Variants in IL12RB2 observed in about 807,000 individuals in gnomAD.
IL12RB2 encodes the protein interleukin 12 receptor subunit beta 2.
In IL12RB2, 82 loss-of-function variants were observed where a neutral mutation model predicts 89.4. The ratio of observed to expected loss-of-function variants is 0.92; its 90% CI spans 0.77 to 1.10. The LOEUF (loss-of-function observed/expected upper bound fraction) is 1.10. IL12RB2 is among the 50% of genes least tolerant of loss of function. IL12RB2 has a pLI of 0.00. For synonymous variants in IL12RB2, 368 were observed against 370.1 expected, an observed-to-expected ratio of 0.99 and a Z score of 0.07; for missense variants, 963 against 1,031.9, an observed-to-expected ratio of 0.93 and a Z score of 0.92.
At chr1:67,361,852 A>T (rs1466443851) in intron 10 of IL12RB2, among the ~76,000 whole-genome samples, 1 of 152,210 alleles carries the variant, frequency 6.6e-6, no homozygotes, top group Non-Finnish European at 1.5e-5. Flanking sequence ...CACAAAAAAA[A>T]CTGTACCTAC....
intron 10 of IL12RB2, among the ~76,000 whole-genome samples, chr1:67,357,723 A>C (rs947111114): frequency 1.2e-4 from 18 of 152,250 alleles, no homozygotes; most frequent in Non-Finnish European, 2.1e-4. Context: ...GAATGCAAGG[A>C]AAGTTTAGTT....
In IL12RB2 at chr1:67,326,783, A is replaced by G; in HGVS notation, c.413A>G (p.Gln138Arg). The G allele has an allele frequency of 1.9e-6, 3 of 1,613,964 alleles. No individual in the cohort carries two copies. The highest frequency in any genetic ancestry group is 2.2e-5 in the East Asian group (1 of 44,876). ...QNLSCIQKGE[Q>R]GTVACTWERG... The stretch of plus-strand genomic sequence containing the variant: ...TTATCCTGCATACAGAAGGGAGAAC[A>G]GGGGACTGTGGCCTGCACCTGGGAA... Residue 138 changes from glutamine (Q) to arginine (R), a missense_variant, in exon 5 of 17, where the codon CAG (glutamine) becomes CGG (arginine). Gln to Arg is a conservative substitution (Grantham distance 43). Coordinates refer to ENST00000674203, the MANE Select transcript of IL12RB2 (RefSeq NM_001374259.2).
intron 8 of IL12RB2, among the ~76,000 whole-genome samples, chr1:67,333,320 C>T (rs984096015): frequency 3.3e-5 from 5 of 151,390 alleles, no homozygotes; most frequent in Admixed American, 1.3e-4. Context: ...TTTTTTAACA[C>T]GTCTTCCTTT....
In IL12RB2 at chr1:67,397,071, G is replaced by A. The variant is rs1394632627; in HGVS notation, c.*982G>A. On this transcript the variant is annotated 3_prime_UTR_variant, in exon 17 of 17. Coordinates refer to ENST00000674203, the MANE Select transcript of IL12RB2 (RefSeq NM_001374259.2). ...GAGAATGACATGAACCTGGGAGGTG[G>A]GGCTTGCAGTGAGCCACTGCACTCC... Among the ~76,000 whole-genome samples, 2 of 151,802 alleles carry A rather than the reference G, an allele frequency of 1.3e-5. No homozygotes were observed. Among genetic ancestry groups the A allele is most frequent in the African/African-American group, 4.8e-5 (2 of 41,320 alleles).
In IL12RB2 at chr1:67,318,277, G is replaced by A. The variant is rs543359994; in HGVS notation, c.-36-2056G>A. Among the ~76,000 whole-genome samples, 4 of 152,308 alleles carry A rather than the reference G, an allele frequency of 2.6e-5. No individual in the cohort carries two copies. The South Asian group carries it at 8.3e-4, about 32-fold the overall frequency. On this transcript the variant is annotated intron_variant, in intron 2 of 16. Transcript: ENST00000674203. ...TGCAGTGGCTGAGAGATTGTGTGTGGTATGGGCTGTGGATATTTTTCTAAC... is the reference window on the plus strand; with the variant it reads ...TGCAGTGGCTGAGAGATTGTGTGTGATATGGGCTGTGGATATTTTTCTAAC...
At chr1:67,350,643 T>A (rs1291845573) in intron 9 of IL12RB2, among the ~76,000 whole-genome samples, 1 of 152,230 alleles carries the variant, frequency 6.6e-6, no homozygotes, top group African/African-American at 2.4e-5. Context: ...ATCAATGCGT[T>A]CTTAAGAATT....
intron 2 of IL12RB2, among the ~76,000 whole-genome samples, chr1:67,315,823 G>C (rs1655684577): frequency 6.6e-6 from 1 of 152,146 alleles, no homozygotes; most frequent in African/African-American, 2.4e-5. Context: ...TCTAGTACAG[G>C]GAGTGTCTTT....
At chr1:67,392,773 G>C (rs541117810) in intron 16 of IL12RB2, among the ~76,000 whole-genome samples, 2 of 152,056 alleles carry the variant, frequency 1.3e-5, no homozygotes, top group East Asian at 1.9e-4. Context: ...TGGGACTGCA[G>C]GGGCACGCTG....
chr1:67,329,741 T>C lies in IL12RB2; in HGVS notation c.807+12T>C. 2 of 1,588,930 alleles carry C rather than the reference T, an allele frequency of 1.3e-6. No individual in the cohort carries two copies. The highest frequency in any genetic ancestry group is 1.1e-5 in the South Asian group (1 of 90,548). ...GGCTCTGGAATATGGTAATTATCTT[T>C]AGAGTGAAGGAAAAAACACTGAAGC... is the stretch of plus-strand genomic sequence containing the variant. On this transcript the variant is annotated intron_variant, in intron 7 of 16. Transcript: ENST00000674203.
rs1357645214 is a variant in IL12RB2 at position 67,380,067 on chromosome 1, C to T, written c.1799C>T (p.Ala600Val). 1.2e-6 allele frequency: 2 copies of T among 1,614,058 alleles called. No homozygotes were observed. Among genetic ancestry groups the T allele is most frequent in the Admixed American group, 3.3e-5 (2 of 60,032 alleles). Reference sequence around the variant, plus strand: ...GTGACATATGTCCTGTGGATGACAGCTCTGACAGCTGCTGGTGAAAGTTCC... The same window carrying T: ...GTGACATATGTCCTGTGGATGACAGTTCTGACAGCTGCTGGTGAAAGTTCC... ...PRVTYVLWMT[A>V]LTAAGESSHG... The change falls in exon 14 of 17, where the codon GCT becomes GTT. Residue 600 changes from alanine (A) to valine (V), a missense_variant. By Grantham distance (64) the Ala-to-Val change is moderately conservative. Coordinates refer to ENST00000674203, the MANE Select transcript of IL12RB2 (RefSeq NM_001374259.2).
intron 16 of IL12RB2, among the ~76,000 whole-genome samples, chr1:67,390,523 G>A (rs1252112798): frequency 2.2e-5 from 3 of 137,430 alleles, no homozygotes; most frequent in Non-Finnish European, 3.0e-5. Flanking sequence ...CAAAATTCAA[G>A]AGAATTGAAG....
intron 10 of IL12RB2, among the ~76,000 whole-genome samples, chr1:67,356,800 A>G (rs935690329): frequency 6.6e-6 from 1 of 152,244 alleles, no homozygotes; most frequent in Non-Finnish European, 1.5e-5. Flanking sequence ...CATGATCCCA[A>G]AAGAAAACAT....
chr1:67,328,408 T>C (rs1288201414), intron 6 of IL12RB2, 24 bp downstream of exon 6: 1 of 1,613,836 alleles, frequency 6.2e-7, no homozygotes, highest in Non-Finnish European at 8.5e-7. Flanking sequence ...CACTGTTTCA[T>C]TGGTACTTTA....
chr1:67,395,520 G>A lies in IL12RB2; in HGVS notation c.2047-27G>A, dbSNP rs200158524. ...GTGAAGGTCACTTCTACAGCAGTGT[G>A]AGCCTCTTCCTCCTCCTTTCTCTCA... On this transcript the variant is annotated intron_variant, in intron 16 of 16. Coordinates refer to ENST00000674203, the MANE Select transcript of IL12RB2 (RefSeq NM_001374259.2). The A allele has an allele frequency of 8.1e-6, 13 of 1,614,186 alleles. No homozygotes were observed. The East Asian group carries it at 2.5e-4, about 30-fold the overall frequency.
At position 67,338,653 on chromosome 1, in the gene IL12RB2, A is replaced by G; in HGVS notation, c.988A>G (p.Met330Val). The change falls in exon 9 of 17, where the codon ATG becomes GTG. Residue 330 changes from methionine (M) to valine (V), a missense_variant. Transcript: ENST00000674203. ...EPTGMLDVWY[M>V]KRHIDYSRQQ... ...TACTGGGATGTTAGATGTCTGGTAC[A>G]TGAAACGGCACATTGACTACAGTAG... 6.4e-7 allele frequency: 1 copy of G among 1,554,954 alleles called. No individual in the cohort carries two copies. The highest frequency in any genetic ancestry group is 8.9e-7 in the Non-Finnish European group (1 of 1,125,942).
intron 10 of IL12RB2, among the ~76,000 whole-genome samples, chr1:67,366,825 T>C (rs888513874): frequency 7.9e-5 from 12 of 152,224 alleles, no homozygotes; most frequent in Admixed American, 6.5e-4. Context: ...ACTCAAACAT[T>C]GGACAAGTAA....
chr1:67,395,439 G>C, intron 16 of IL12RB2, 108 bp from the exon 17 acceptor site: 1 of 1,603,940 alleles, frequency 6.2e-7, no homozygotes. Context: ...GTTCCAGCCA[G>C]GGCTGAGGAG....
At chr1:67,336,606 G>A (rs1435845401) in intron 8 of IL12RB2, among the ~76,000 whole-genome samples, 8 of 151,860 alleles carry the variant, frequency 5.3e-5, no homozygotes, top group Admixed American at 4.6e-4. Flanking sequence ...TGAATGTTTA[G>A]AAAAAAACAA....
chr1:67,329,554 G>T, intron 6 of IL12RB2, 33 bp from the exon 7 acceptor site: 1 of 1,434,966 alleles, frequency 7.0e-7, no homozygotes, highest in South Asian at 1.1e-5. Context: ...CACAGATCCT[G>T]AACCACACTT....
Sources: allele counts gnomAD v4.1 joint callset (sites outside exome capture counted in the v4.1 genomes callset), GRCh38; gene constraint gnomAD v4.1.1; transcripts MANE v1.5; gene names NCBI Gene and HGNC (gene_info 2026-07-23, HGNC 2026-07-21).